The following PROS1 variants were observed in gnomAD, a reference collection of about 807,000 sequenced individuals.
The protein encoded by PROS1 is vitamin K-dependent protein S.
In PROS1, 29 loss-of-function variants were observed where a neutral mutation model predicts 75.9. The observed-to-expected ratio is 0.38, with a 90% CI of 0.28 to 0.52. The LOEUF is 0.52. PROS1 is among the 20% of genes least tolerant of loss of function. The pLI, the probability that PROS1 is intolerant of heterozygous loss-of-function variation, is 0.83. For missense variants in PROS1, 680 were observed against 810.3 expected, an observed-to-expected ratio of 0.84 and a Z score of 1.95; for synonymous variants, 245 against 280.6, an observed-to-expected ratio of 0.87 and a Z score of 1.27.
intron 2 of PROS1, among the ~76,000 whole-genome samples, chr3:93,924,475 C>A (rs1708987408): frequency 6.6e-6 from 1 of 151,952 alleles, no homozygotes; most frequent in Non-Finnish European, 1.5e-5. Flanking sequence ...AAATATTGAT[C>A]AATTAATCAT....
At chr3:93,945,357 A>G (rs1367154811) in intron 1 of PROS1, among the ~76,000 whole-genome samples, 1 of 152,182 alleles carries the variant, frequency 6.6e-6, no homozygotes, top group African/African-American at 2.4e-5. Flanking sequence ...CAACAACAAA[A>G]AAAAGAGAAT....
chr3:93,914,160 C>G (rs1334070162), intron 3 of PROS1, among the ~76,000 whole-genome samples: 1 of 152,198 alleles, frequency 6.6e-6, no homozygotes, highest in Non-Finnish European at 1.5e-5. Flanking sequence ...AAGTTGCATA[C>G]TGGTAGCCCT....
intron 1 of PROS1, among the ~76,000 whole-genome samples, chr3:93,972,750 G>C (rs1709897863): frequency 6.6e-6 from 1 of 152,040 alleles, no homozygotes; most frequent in African/African-American, 2.4e-5. Flanking sequence ...TCGGGAGGCT[G>C]AGGCATGAGT....
chr3:93,931,760 A>G (rs6795524), intron 1 of PROS1, among the ~76,000 whole-genome samples: 9,573 of 152,256 alleles, frequency 0.063, 612 homozygotes, highest in African/African-American at 0.16. Flanking sequence ...ACTTTCAGCC[A>G]AAGAACACTC....
intron 12 of PROS1, among the ~76,000 whole-genome samples, chr3:93,880,706 CAAACT>C (rs1708264477): frequency 6.6e-6 from 1 of 151,886 alleles, no homozygotes; most frequent in South Asian, 2.1e-4. Flanking sequence ...ATATTAAACT[CAAACT>C]AAAATGAACA....
rs1708813029 is a variant in PROS1, at chr3:93,914,651, T to C, written c.260-3946A>G. Reference sequence around the variant, plus strand: ...GCCCATTGTTTTGAAAAACAGCACCTGGCTCCTTTTATTTATTTATTTATT... The same window carrying C: ...GCCCATTGTTTTGAAAAACAGCACCCGGCTCCTTTTATTTATTTATTTATT... On this transcript the variant is annotated intron_variant, in intron 3 of 14. Coordinates refer to ENST00000394236, the MANE Select transcript of PROS1 (RefSeq NM_000313.4). Among the ~76,000 whole-genome samples, 9 of 152,336 alleles carry C rather than the reference T, an allele frequency of 5.9e-5. No homozygotes were observed. In the South Asian group the frequency reaches 1.4e-3, roughly 25 times the overall value.
intron 1 of PROS1, among the ~76,000 whole-genome samples, chr3:93,952,660 C>G (rs772706637): frequency 2.6e-5 from 4 of 151,990 alleles, no homozygotes; most frequent in Admixed American, 6.6e-5. Flanking sequence ...AACAGCACAA[C>G]TAAAAGAACT....
At chr3:93,897,434 C>A (rs1708517669) in intron 8 of PROS1, among the ~76,000 whole-genome samples, 1 of 151,910 alleles carries the variant, frequency 6.6e-6, no homozygotes, top group Admixed American at 6.6e-5. Context: ...CATTTTATTT[C>A]CCCTTAAAAC....
At chr3:93,957,766 G>A (rs572282324) in intron 1 of PROS1, among the ~76,000 whole-genome samples, 4 of 152,120 alleles carry the variant, frequency 2.6e-5, no homozygotes, top group African/African-American at 7.2e-5. Context: ...ATTGTATTAG[G>A]CCATTCTCAC....
intron 1 of PROS1, among the ~76,000 whole-genome samples, chr3:93,967,301 T>C (rs1576221609): frequency 6.6e-6 from 1 of 152,346 alleles, no homozygotes; most frequent in African/African-American, 2.4e-5. Context: ...GTAGAGACAC[T>C]TATTGGGATT....
intron 1 of PROS1, among the ~76,000 whole-genome samples, chr3:93,938,474 C>T (rs1266987535): frequency 6.6e-6 from 1 of 152,068 alleles, no homozygotes; most frequent in Non-Finnish European, 1.5e-5. Context: ...CAGGAGGACT[C>T]CTTCCAGAGA....
intron 1 of PROS1, among the ~76,000 whole-genome samples, chr3:93,934,360 A>C (rs1709151565): frequency 6.6e-6 from 1 of 152,220 alleles, no homozygotes; most frequent in Non-Finnish European, 1.5e-5. Context: ...AATTGAAAAA[A>C]TGTGAAGGTT....
chr3:93,924,663 CTT>C (rs368011620), intron 2 of PROS1, among the ~76,000 whole-genome samples: 12 of 136,590 alleles, frequency 8.8e-5, no homozygotes, highest in Non-Finnish European at 6.4e-5. Context: ...AACGTACTCT[CTT>C]TTTTTTTTTT....
chr3:93,876,037 C>G (rs1708182392), intron 14 of PROS1, among the ~76,000 whole-genome samples: 1 of 152,140 alleles, frequency 6.6e-6, no homozygotes, highest in Non-Finnish European at 1.5e-5. Flanking sequence ...TGCCAGATAC[C>G]TAAAAGTCAT....
At chr3:93,934,116 G>A (rs568386031) in intron 1 of PROS1, among the ~76,000 whole-genome samples, 97 of 151,786 alleles carry the variant, frequency 6.4e-4, no homozygotes, top group Middle Eastern at 3.4e-3. Flanking sequence ...GGAGGCGGAG[G>A]CTGGAGTGAG....
At chr3:93,939,818 C>T (rs897823245) in intron 1 of PROS1, among the ~76,000 whole-genome samples, 12 of 152,082 alleles carry the variant, frequency 7.9e-5, no homozygotes, top group African/African-American at 1.2e-4. Flanking sequence ...TTACCCAATC[C>T]GCTCCCGACA....
intron 1 of PROS1, among the ~76,000 whole-genome samples, chr3:93,939,197 T>C (rs2107222176): frequency 6.6e-6 from 1 of 152,322 alleles, no homozygotes; most frequent in Non-Finnish European, 1.5e-5. Flanking sequence ...TTCTCCATCC[T>C]ACATGATCTA....
chr3:93,900,155 A>G (rs1249188824), intron 7 of PROS1, among the ~76,000 whole-genome samples: 1 of 152,200 alleles, frequency 6.6e-6, no homozygotes, highest in Non-Finnish European at 1.5e-5. Flanking sequence ...AAACAACTAT[A>G]ATATGTTGAA....
chr3:93,894,289 G>T (rs1367171963), intron 9 of PROS1, among the ~76,000 whole-genome samples: 1 of 152,098 alleles, frequency 6.6e-6, no homozygotes. Flanking sequence ...GAATTCCAAA[G>T]AAATATTTAA....
Sources: gnomAD v4.1 joint callset for allele counts (sites outside exome capture counted in the v4.1 genomes callset) on GRCh38, gnomAD v4.1.1 for gene constraint, MANE v1.5 for transcripts, NCBI Gene and HGNC (gene_info 2026-07-23, HGNC 2026-07-21) for gene names.